The following FMN1 variants were observed in gnomAD, a reference collection of about 807,000 sequenced individuals.
FMN1 encodes the protein formin-1.
Under a neutral mutation model 132.4 loss-of-function variants are expected in FMN1, and 110 were observed. The ratio of observed to expected loss-of-function variants is 0.83; its 90% CI spans 0.71 to 0.97. FMN1 has a LOEUF of 0.97. FMN1 is among the 50% of genes least tolerant of loss of function. The pLI, the probability that FMN1 is intolerant of heterozygous loss-of-function variation, is 0.00. For synonymous variants in FMN1, 722 were observed against 651.7 expected (o/e 1.11, Z -1.64); for missense variants, 1,792 against 1,705.3 (o/e 1.05, Z -0.90).
chr15:32,963,545 G>A (rs1474189061), intron 9 of FMN1, among the ~76,000 whole-genome samples: 1 of 151,828 alleles, frequency 6.6e-6, no homozygotes, highest in African/African-American at 2.4e-5. Context: ...TCCAATTAAA[G>A]AACTAAATTA....
chr15:33,165,094 G>T (rs1965043628), intron 3 of FMN1, among the ~76,000 whole-genome samples: 2 of 152,180 alleles, frequency 1.3e-5, no homozygotes, highest in Non-Finnish European at 2.9e-5. Context: ...GTAGATAGGA[G>T]ATTCCTACTC....
chr15:33,082,495 T>C (rs2038522147), intron 5 of FMN1, among the ~76,000 whole-genome samples: 1 of 152,202 alleles, frequency 6.6e-6, no homozygotes, highest in Non-Finnish European at 1.5e-5. Flanking sequence ...CATGTCTTTG[T>C]TTATAGACAC....
At chr15:33,089,432 C>G (rs907066018) in intron 4 of FMN1, among the ~76,000 whole-genome samples, 1 of 152,160 alleles carries the variant, frequency 6.6e-6, no homozygotes, top group African/African-American at 2.4e-5. Context: ...ATGGTGCATA[C>G]CGGACTTGGA....
chr15:32,788,689 A>G (rs1000009491), intron 19 of FMN1, among the ~76,000 whole-genome samples: 1 of 152,240 alleles, frequency 6.6e-6, no homozygotes, highest in Non-Finnish European at 1.5e-5. Flanking sequence ...TGAAGGAGAC[A>G]TACTTTAGGT....
At chr15:32,902,103 C>T in intron 12 of FMN1, 63 bp from the exon 13 acceptor site, 3 of 1,440,418 alleles carry the variant, frequency 2.1e-6, no homozygotes, top group Non-Finnish European at 2.9e-6. Flanking sequence ...AAAAAGACAG[C>T]TGAAAAAGAC....
At chr15:33,024,171 C>T (rs2035555276) in intron 6 of FMN1, among the ~76,000 whole-genome samples, 1 of 150,334 alleles carries the variant, frequency 6.7e-6, no homozygotes, top group South Asian at 2.1e-4. Flanking sequence ...CTCACTTGTC[C>T]TCAGGACAGC....
chr15:33,067,370 A>G (rs530285928), intron 5 of FMN1: 22 of 1,613,832 alleles, frequency 1.4e-5, no homozygotes, highest in African/African-American at 2.7e-5. Context: ...CTCAGATAAA[A>G]CACCACTAGG....
At chr15:33,081,595 T>A (rs982238841) in intron 5 of FMN1, among the ~76,000 whole-genome samples, 1 of 152,154 alleles carries the variant, frequency 6.6e-6, no homozygotes, top group Non-Finnish European at 1.5e-5. Flanking sequence ...TAGGAGCTAA[T>A]CCCCATCCAT....
At chr15:32,980,370 C>A (rs1364207137) in intron 7 of FMN1, among the ~76,000 whole-genome samples, 1 of 151,394 alleles carries the variant, frequency 6.6e-6, no homozygotes, top group Non-Finnish European at 1.5e-5. Flanking sequence ...CTGCATAAGG[C>A]TGCTATGTAA....
intron 4 of FMN1, among the ~76,000 whole-genome samples, chr15:33,129,322 G>A (rs533045305): frequency 1.2e-4 from 18 of 152,218 alleles, no homozygotes; most frequent in Non-Finnish European, 2.2e-4. Context: ...TTTTCCAAAT[G>A]AGGTAAATCA....
chr15:33,135,201 A>G (rs1037929735), intron 4 of FMN1, among the ~76,000 whole-genome samples: 11 of 152,190 alleles, frequency 7.2e-5, no homozygotes, highest in African/African-American at 2.7e-4. Flanking sequence ...TGCACTTTAG[A>G]TGTTAAATAT....
At chr15:32,858,398 G>A (rs919380585) in intron 16 of FMN1, among the ~76,000 whole-genome samples, 2 of 152,064 alleles carry the variant, frequency 1.3e-5, no homozygotes, top group African/African-American at 4.8e-5. Flanking sequence ...ACTACAAAAC[G>A]GTGCTGAAAA....
chr15:33,088,000 G>A (rs574701003), intron 5 of FMN1, among the ~76,000 whole-genome samples: 13 of 152,260 alleles, frequency 8.5e-5, no homozygotes, highest in Admixed American at 7.2e-4. Flanking sequence ...ATAAGTGGGA[G>A]CTAAGCTATG....
chr15:32,862,968 C>T (rs1325691744), intron 16 of FMN1, among the ~76,000 whole-genome samples: 1 of 152,198 alleles, frequency 6.6e-6, no homozygotes, highest in Non-Finnish European at 1.5e-5. Flanking sequence ...GTCCTGTTCA[C>T]AAGCTCCCTG....
chr15:33,013,221 T>C (rs1347382214), intron 6 of FMN1, among the ~76,000 whole-genome samples: 6 of 152,208 alleles, frequency 3.9e-5, no homozygotes, highest in Non-Finnish European at 8.8e-5. Context: ...AATACTCCCG[T>C]GTATGGGCAA....
chr15:32,838,504 G>A (rs915821119), intron 17 of FMN1, among the ~76,000 whole-genome samples: 1 of 152,158 alleles, frequency 6.6e-6, no homozygotes, highest in African/African-American at 2.4e-5. Context: ...ACAAACAGCA[G>A]CAGCCGTGGG....
intron 7 of FMN1, among the ~76,000 whole-genome samples, chr15:32,999,091 T>C (rs1425830426): frequency 2.0e-5 from 3 of 152,244 alleles, no homozygotes; most frequent in Non-Finnish European, 4.4e-5. Flanking sequence ...GTCTATTTTT[T>C]CCTTTTTGGC....
Position 32,961,043 on chromosome 15 carries a change from A to G in FMN1, c.3138+3064T>C, listed in dbSNP as rs551596560. Reference sequence around the variant, plus strand: ...AAGGCAGGGTTGATGGTATCATTCAATATTACATACTTTTCAAAACACTGC... The same window carrying G: ...AAGGCAGGGTTGATGGTATCATTCAGTATTACATACTTTTCAAAACACTGC... On this transcript the variant is annotated intron_variant, in intron 9 of 20. Transcript: ENST00000616417. 8.0e-4 allele frequency among the ~76,000 whole-genome samples: 121 copies of G among 150,454 alleles called. 1 individual carries two copies. The highest frequency in any genetic ancestry group is 1.3e-3 in the Non-Finnish European group (91 of 67,758).
intron 6 of FMN1, among the ~76,000 whole-genome samples, chr15:33,048,069 G>T (rs2036772753): frequency 6.6e-6 from 1 of 152,148 alleles, no homozygotes; most frequent in Non-Finnish European, 1.5e-5. Flanking sequence ...AGTTCCTGTA[G>T]CTTTGGTAAT....
Sources: gnomAD v4.1 joint callset for allele counts (sites outside exome capture counted in the v4.1 genomes callset) on GRCh38, gnomAD v4.1.1 for gene constraint, MANE v1.5 for transcripts, NCBI Gene and HGNC (gene_info 2026-07-23, HGNC 2026-07-21) for gene names.